Variants in RPS6KA2 observed in about 807,000 individuals in gnomAD.
The protein encoded by RPS6KA2 is ribosomal protein S6 kinase A2.
Under a neutral mutation model 91.8 loss-of-function variants are expected in RPS6KA2, and 42 were observed. The ratio of observed to expected loss-of-function variants is 0.46; its 90% CI spans 0.36 to 0.59. The LOEUF (loss-of-function observed/expected upper bound fraction) is 0.59. RPS6KA2 is among the 20% of genes least tolerant of loss of function. The pLI, the probability that RPS6KA2 is intolerant of heterozygous loss-of-function variation, is 0.00. For synonymous variants in RPS6KA2, 414 were observed against 393.6 expected (o/e 1.05, Z -0.61); for missense variants, 798 against 978.5 (o/e 0.82, Z 2.46).
intron 2 of RPS6KA2, among the ~76,000 whole-genome samples, chr6:166,536,805 C>T (rs912497968): frequency 1.3e-5 from 2 of 152,088 alleles, no homozygotes; most frequent in African/African-American, 2.4e-5. Context: ...TGAAACTTTA[C>T]GTTTTAATTC....
chr6:166,685,102 T>G (rs542493181), intron 2 of RPS6KA2, among the ~76,000 whole-genome samples: 1 of 152,228 alleles, frequency 6.6e-6, no homozygotes, highest in African/African-American at 2.4e-5. Context: ...CCCCATCCAG[T>G]GGGCGGAGCT....
chr6:166,535,429 G>A (rs1783448323), intron 2 of RPS6KA2, among the ~76,000 whole-genome samples: 1 of 152,208 alleles, frequency 6.6e-6, no homozygotes, highest in South Asian at 2.1e-4. Flanking sequence ...TTCTTATCAT[G>A]CTACCAGCAA....
At chr6:166,695,630 T>C (rs985214680) in intron 2 of RPS6KA2, among the ~76,000 whole-genome samples, 2 of 152,234 alleles carry the variant, frequency 1.3e-5, no homozygotes, top group Admixed American at 6.5e-5. Context: ...CTCTCTAGCC[T>C]GAGCTCTGCC....
chr6:166,807,466 C>T (rs373800099), intron 2 of RPS6KA2, among the ~76,000 whole-genome samples: 2 of 152,174 alleles, frequency 1.3e-5, no homozygotes, highest in Admixed American at 6.5e-5. Context: ...CAGGTCTCCC[C>T]GCTTCTGCCC....
chr6:166,484,342 T>C (rs1781334986), intron 10 of RPS6KA2, among the ~76,000 whole-genome samples: 1 of 152,204 alleles, frequency 6.6e-6, no homozygotes, highest in Non-Finnish European at 1.5e-5. Context: ...TGAATACCTG[T>C]GGCCGGCCCA....
intron 2 of RPS6KA2, among the ~76,000 whole-genome samples, chr6:166,815,983 G>A (rs1200865494): frequency 6.6e-6 from 1 of 152,194 alleles, no homozygotes; most frequent in Non-Finnish European, 1.5e-5. Flanking sequence ...TGCTGTTGAT[G>A]TTGATACCTC....
At position 166,410,015 on chromosome 6, in the gene RPS6KA2, C is replaced by T. The variant is rs1778247934; in HGVS notation, c.*2747G>A. ...TGGGATGGAATTCAGCAAAGCTCTC[C>T]CACTGCAGATTGGGAGAATCAGGTA... On this transcript the variant is annotated 3_prime_UTR_variant, in exon 21 of 21. Transcript: ENST00000265678. 6.6e-6 allele frequency: 1 copy of T among 152,178 alleles called. No individual in the cohort carries two copies. Among genetic ancestry groups the T allele is most frequent in the Non-Finnish European group, 1.5e-5 (1 of 68,040 alleles). 9.4% of individuals were successfully genotyped at this position (152,178 alleles called of 1,614,324 possible).
At position 166,508,427 on chromosome 6, in the gene RPS6KA2, C is replaced by T; in HGVS notation, c.380-145G>A. ...CGGCAGGACCCCGGCTGGTGACCAG[C>T]TCAGAGGGGCAGCACCCGGCAGAGG... On this transcript the variant is annotated intron_variant, in intron 4 of 20. Coordinates refer to ENST00000265678, the MANE Select transcript of RPS6KA2 (RefSeq NM_021135.6). This position sits in a 1 kb window ranked among gnomAD's most constrained non-coding sequence, Gnocchi z 4.3. The T allele has an allele frequency of 1.6e-6, 1 of 613,116 alleles. No homozygotes were observed. 38.0% of individuals were successfully genotyped at this position (613,116 alleles called of 1,614,324 possible).
intron 3 of RPS6KA2, among the ~76,000 whole-genome samples, 197 bp from the exon 4 acceptor site, chr6:166,510,554 C>CATATATATATAT (rs58712416): frequency 1.3e-4 from 10 of 78,782 alleles, no homozygotes; most frequent in South Asian, 3.7e-4. Flanking sequence ...TTCTCTCTCT[C>CATATATATATAT]ATATATATAT....
intron 14 of RPS6KA2, among the ~76,000 whole-genome samples, chr6:166,441,937 T>C (rs567171022): frequency 5.9e-5 from 9 of 152,352 alleles, no homozygotes; most frequent in African/African-American, 2.2e-4. Flanking sequence ...AGGTGCACTG[T>C]GCCTTTGGAG....
rs559704499 is a variant in RPS6KA2 at position 166,798,976 on chromosome 6, T to G, written c.123+59224A>C. Among the ~76,000 whole-genome samples, 4 of 152,336 alleles carry G rather than the reference T, an allele frequency of 2.6e-5. No homozygotes were observed. In the East Asian group the frequency reaches 5.8e-4, roughly 22 times the overall value. On this transcript the variant is annotated intron_variant, in intron 2 of 21. Coordinates refer to the RPS6KA2 transcript ENST00000503859. ...TCCTATTCTTTGCTTTCCACAAAAT[T>G]GAAAGAGAGCCCCTATTCAAGTTGT...
chr6:166,519,356 T>C (rs1782768895), intron 3 of RPS6KA2, among the ~76,000 whole-genome samples: 2 of 152,308 alleles, frequency 1.3e-5, no homozygotes, highest in South Asian at 4.1e-4. Flanking sequence ...ACTATAGATG[T>C]GAAAAGAATA....
At chr6:166,781,791 G>A (rs1778780723) in intron 2 of RPS6KA2, among the ~76,000 whole-genome samples, 1 of 152,190 alleles carries the variant, frequency 6.6e-6, no homozygotes, top group Non-Finnish European at 1.5e-5. Context: ...AAGCAGGCAT[G>A]GTTTAGAGTC....
intron 2 of RPS6KA2, among the ~76,000 whole-genome samples, chr6:166,747,606 A>G (rs1791061151): frequency 6.6e-6 from 1 of 152,166 alleles, no homozygotes; most frequent in Non-Finnish European, 1.5e-5. Flanking sequence ...CACCACACAG[A>G]CTAAGGCATG....
intron 2 of RPS6KA2, among the ~76,000 whole-genome samples, chr6:166,844,619 G>A (rs561735626): frequency 6.6e-6 from 1 of 152,152 alleles, no homozygotes; most frequent in African/African-American, 2.4e-5. Flanking sequence ...CCTATGTTTA[G>A]CCTCCTTAAA....
At chr6:166,781,470 G>A (rs964805212) in intron 2 of RPS6KA2, among the ~76,000 whole-genome samples, 14 of 152,308 alleles carry the variant, frequency 9.2e-5, no homozygotes, top group Admixed American at 2.0e-4. Context: ...CTCTCTTTGG[G>A]TGAGAGGCAC....
chr6:166,831,020 CCT>C (rs1314161070), intron 2 of RPS6KA2, among the ~76,000 whole-genome samples: 3 of 152,294 alleles, frequency 2.0e-5, no homozygotes, highest in Admixed American at 6.5e-5. Context: ...TCCCTGGACC[CCT>C]GACTCACCAC....
rs747499945 is a variant in RPS6KA2 at position 166,510,273 on chromosome 6, T to G, written c.379+4A>C. ...CTTTAAAGTGTCATTTTGACTCTAC[T>G]TACCATAATGAAGCTTCACAATGAA... is the stretch of plus-strand genomic sequence containing the variant. On this transcript the variant is annotated splice_donor_region_variant and intron_variant, in intron 4 of 20. Coordinates refer to ENST00000265678, the MANE Select transcript of RPS6KA2 (RefSeq NM_021135.6). 2 of 1,580,584 alleles carry G rather than the reference T, an allele frequency of 1.3e-6. No individual in the cohort carries two copies. Among genetic ancestry groups the G allele is most frequent in the Non-Finnish European group, 1.7e-6 (2 of 1,152,696 alleles).
At chr6:166,536,629 GC>G in intron 2 of RPS6KA2, among the ~76,000 whole-genome samples, 1 of 152,226 alleles carries the variant, frequency 6.6e-6, no homozygotes, top group African/African-American at 2.4e-5. Flanking sequence ...GCGGACCTAA[GC>G]CTCCCTTCCC....
Sources: allele counts gnomAD v4.1 joint callset (sites outside exome capture counted in the v4.1 genomes callset), GRCh38; gene constraint gnomAD v4.1.1; non-coding constraint Gnocchi (gnomAD v3.1); transcripts MANE v1.5; gene names NCBI Gene and HGNC (gene_info 2026-07-23, HGNC 2026-07-21).